Variants in RBFOX1 observed in about 807,000 individuals in gnomAD.
The protein encoded by RBFOX1 is RNA binding protein fox-1 homolog 1.
A neutral mutation model predicts 57.7 loss-of-function variants in RBFOX1; 8 were observed. That is an observed-to-expected ratio of 0.14 (90% confidence interval 0.08 to 0.25). The LOEUF (loss-of-function observed/expected upper bound fraction) is 0.25, where lower values mean the gene tolerates loss of function less well. Ranked by LOEUF, RBFOX1 falls within the 10% of genes least tolerant of loss-of-function variation. The probability of loss-of-function intolerance (pLI) is 1.00; values close to 1 mark genes in which losing one functional copy is unlikely to be tolerated. For missense variants in RBFOX1, 611 were observed against 548.5 expected, an observed-to-expected ratio of 1.11 and a Z score of -1.14; for synonymous variants, 326 against 222.4, an observed-to-expected ratio of 1.47 and a Z score of -4.15.
chr16:5,993,380 T>A (rs62015772), intron 4 of RBFOX1, among the ~76,000 whole-genome samples: 18 of 27,770 alleles, frequency 6.5e-4, no homozygotes, highest in Admixed American at 3.2e-3. Flanking sequence ...TGTGTGTGTG[T>A]GTGTGAGAGA....
At chr16:6,400,309 G>T (rs750509725) in intron 2 of RBFOX1, among the ~76,000 whole-genome samples, 4 of 152,104 alleles carry the variant, frequency 2.6e-5, no homozygotes, top group Admixed American at 6.5e-5. Context: ...ACCTATAAAA[G>T]TACCAAAATT....
chr16:6,059,904 T>C (rs1483509956), intron 1 of RBFOX1, among the ~76,000 whole-genome samples: 1 of 152,138 alleles, frequency 6.6e-6, no homozygotes, highest in Non-Finnish European at 1.5e-5. Context: ...AAAGGATCAT[T>C]TGTTATGCAG....
intron 4 of RBFOX1, among the ~76,000 whole-genome samples, chr16:7,252,208 G>A (rs1018602655): frequency 6.6e-6 from 1 of 152,204 alleles, no homozygotes; most frequent in Non-Finnish European, 1.5e-5. Context: ...TCTCCTTTGA[G>A]AGATTTTTGT....
rs1215621121 is a variant in RBFOX1, at chr16:5,657,694, T to C, written c.318+58733T>C. On this transcript the variant is annotated intron_variant, in intron 3 of 19. Coordinates refer to the RBFOX1 transcript ENST00000641259. ...TCTTTTCTTTTCTTTCTTTCTTTCT[T>C]TCTCCTTCTGTCTTTCTCTCTTTCT... Among the ~76,000 whole-genome samples, 410 of 142,854 alleles carry C rather than the reference T, an allele frequency of 2.9e-3. 2 individuals are homozygous for C. The highest frequency in any genetic ancestry group is 0.01 in the African/African-American group (393 of 37,644). 93.7% of individuals were successfully genotyped at this position (142,854 alleles called of 152,430 possible). A position where few individuals can be genotyped will look rare whatever the true frequency, so the allele number is the denominator to read the frequency against.
chr16:7,543,256 T>C (rs1362141799), intron 5 of RBFOX1, among the ~76,000 whole-genome samples: 1 of 152,234 alleles, frequency 6.6e-6, no homozygotes, highest in Non-Finnish European at 1.5e-5. Context: ...CTTACAAATC[T>C]GGCCTGACAC....
At chr16:5,771,887 GT>G (rs57049465) in intron 3 of RBFOX1, among the ~76,000 whole-genome samples, 4,322 of 152,242 alleles carry the variant, frequency 0.028, 202 homozygotes, top group African/African-American at 0.097. Flanking sequence ...AAAAAGGCTA[GT>G]TTGGGCTGGG....
intron 4 of RBFOX1, among the ~76,000 whole-genome samples, chr16:7,231,215 G>A (rs1226210959): frequency 1.3e-5 from 2 of 152,156 alleles, no homozygotes; most frequent in Non-Finnish European, 1.5e-5. Context: ...GCTAGAATAC[G>A]CTTGTTTATG....
chr16:7,172,171 T>C lies in RBFOX1; in HGVS notation c.27+120073T>C, dbSNP rs575933632. 2.0e-5 allele frequency among the ~76,000 whole-genome samples: 3 copies of C among 152,326 alleles called. No individual in the cohort carries two copies. In the South Asian group the frequency reaches 6.2e-4, roughly 32 times the overall value. ...TTTTTAGAATTCTGCATCCTGGAAT[T>C]AAAGTGCATTGGAATGAGCCAATAA... On this transcript the variant is annotated intron_variant, in intron 4 of 15. Transcript: ENST00000550418.
chr16:7,683,655 T>C lies in RBFOX1; in HGVS notation c.995+6817T>C, dbSNP rs763415529. 5.3e-5 allele frequency among the ~76,000 whole-genome samples: 8 copies of C among 152,028 alleles called. 1 individual carries two copies. Among genetic ancestry groups the C allele is most frequent in the Admixed American group, 4.6e-4 (7 of 15,252 alleles). Reference sequence around the variant, plus strand: ...ATGTCATGGCCTAATTACACACTTTTTAGGTCGCAGATCATTGACTTGATA... The same window carrying C: ...ATGTCATGGCCTAATTACACACTTTCTAGGTCGCAGATCATTGACTTGATA... On this transcript the variant is annotated intron_variant, in intron 14 of 15. Transcript: ENST00000550418.
chr16:5,548,885 AG>A (rs1432399600), intron 2 of RBFOX1, among the ~76,000 whole-genome samples: 1 of 152,168 alleles, frequency 6.6e-6, no homozygotes, highest in East Asian at 1.9e-4. Flanking sequence ...AGAAGATGGA[AG>A]GGGCACAGGG....
rs891488372 is a variant in RBFOX1 at position 6,695,464 on chromosome 16, G to T, written c.-16+40814G>T. ...GAAAGGAAGGGAAAGGAAAGGAAAA[G>T]AAAATGACATAATTAAATGTATCTG... On this transcript the variant is annotated intron_variant, in intron 3 of 15. Transcript: ENST00000550418. 2.0e-3 allele frequency among the ~76,000 whole-genome samples: 260 copies of T among 130,012 alleles called. 1 individual carries two copies. The highest frequency in any genetic ancestry group is 7.1e-3 in the African/African-American group (234 of 33,088). The allele number at this position is 130,012 out of a possible 152,430, so 85.3% of individuals were successfully genotyped here.
At chr16:7,065,162 A>G (rs373512482) in intron 4 of RBFOX1, among the ~76,000 whole-genome samples, 2 of 152,242 alleles carry the variant, frequency 1.3e-5, no homozygotes, top group South Asian at 2.1e-4. Context: ...CTAAATGAGC[A>G]AGCAACTGGT....
intron 4 of RBFOX1, among the ~76,000 whole-genome samples, chr16:5,912,250 G>T (rs1399941707): frequency 6.6e-6 from 1 of 152,146 alleles, no homozygotes; most frequent in South Asian, 2.1e-4. Flanking sequence ...CATTTATAGT[G>T]ATCAAATGAG....
At chr16:5,650,888 C>G (rs1436034278) in intron 3 of RBFOX1, among the ~76,000 whole-genome samples, 2 of 151,028 alleles carry the variant, frequency 1.3e-5, no homozygotes, top group African/African-American at 2.5e-5. Context: ...ACAGGGAACA[C>G]CTTCCTGTCT....
intron 4 of RBFOX1, among the ~76,000 whole-genome samples, chr16:5,890,697 GAA>G (rs71404558): frequency 2.1e-4 from 13 of 61,496 alleles, no homozygotes; most frequent in African/African-American, 4.9e-4. Context: ...AGTCTGTATT[GAA>G]AAAAAAAAAA....
chr16:6,501,051 A>G (rs2095902551), intron 2 of RBFOX1, among the ~76,000 whole-genome samples: 1 of 148,428 alleles, frequency 6.7e-6, no homozygotes, highest in South Asian at 2.2e-4. Flanking sequence ...TGCCCATGGG[A>G]GTCTGCCCCT....
intron 14 of RBFOX1, among the ~76,000 whole-genome samples, chr16:7,697,549 T>A (rs2079178447): frequency 6.6e-6 from 1 of 152,174 alleles, no homozygotes. Flanking sequence ...TGCATATGTA[T>A]GATAAACTAT....
chr16:7,394,711 G>A (rs2098113013), intron 4 of RBFOX1, among the ~76,000 whole-genome samples: 1 of 152,124 alleles, frequency 6.6e-6, no homozygotes, highest in African/African-American at 2.4e-5. Context: ...ATGTGCCCCG[G>A]TTGAGGCATG....
Position 7,358,278 on chromosome 16 carries a change from G to A in RBFOX1, c.28-159869G>A, listed in dbSNP as rs574453748. On this transcript the variant is annotated intron_variant, in intron 4 of 15. Transcript: ENST00000550418. ...ACCGTGACAGAGAAAGAGGGTGGCC[G>A]TGCCACCGAAAGGGACAGGTGACAG... Among the ~76,000 whole-genome samples the A allele has an allele frequency of 7.9e-5, 12 of 152,322 alleles. No individual in the cohort carries two copies. In the South Asian group the frequency reaches 1.5e-3, roughly 18 times the overall value.
Sources: gnomAD v4.1 joint callset for allele counts (sites outside exome capture counted in the v4.1 genomes callset) on GRCh38, gnomAD v4.1.1 for gene constraint, MANE v1.5 for transcripts, NCBI Gene and HGNC (gene_info 2026-07-23, HGNC 2026-07-21) for gene names.